Variants in RAB2A observed in about 807,000 individuals in gnomAD.
RAB2A encodes the protein RAB2A, member RAS oncogene family.
RAB2A carries 7 observed loss-of-function variants against 32.5 expected under a neutral mutation model. That is an observed-to-expected ratio of 0.22 (90% CI 0.12 to 0.40). The LOEUF (loss-of-function observed/expected upper bound fraction) is 0.40. RAB2A is among the 10% of genes least tolerant of loss of function. The pLI, the probability that RAB2A is intolerant of heterozygous loss-of-function variation, is 1.00. For synonymous variants in RAB2A, 79 were observed against 85.2 expected (o/e 0.93, Z 0.40); for missense variants, 108 against 260.7 (o/e 0.41, Z 4.03).
chr8:60,569,113 G>T (rs1418040571), intron 2 of RAB2A, among the ~76,000 whole-genome samples: 3 of 152,224 alleles, frequency 2.0e-5, no homozygotes, highest in African/African-American at 7.2e-5. Flanking sequence ...TATTTCTGAA[G>T]CTGAAATTAA....
At chr8:60,587,714 A>G (rs1186003767) in intron 5 of RAB2A, among the ~76,000 whole-genome samples, 1 of 152,236 alleles carries the variant, frequency 6.6e-6, no homozygotes, top group Non-Finnish European at 1.5e-5. Flanking sequence ...TATATACTTT[A>G]AAACAATATG....
chr8:60,591,984 C>T lies in RAB2A; in HGVS notation c.474+15C>T. 1 of 1,433,172 alleles carries T rather than the reference C, an allele frequency of 7.0e-7. No individual in the cohort carries two copies. Among genetic ancestry groups the T allele is most frequent in the African/African-American group, 1.4e-5 (1 of 70,024 alleles). The allele number at this position is 1,433,172 out of a possible 1,614,324, so 88.8% of individuals were successfully genotyped here. On this transcript the variant is annotated intron_variant, in intron 6 of 7. Transcript: ENST00000262646. ...ATGTAGAAGAGGTAAATAAGAGGCC[C>T]TTTAAAATCTTCATCTTTATACTTA...
chr8:60,585,438 A>G (rs1803832324), intron 5 of RAB2A, among the ~76,000 whole-genome samples: 1 of 152,008 alleles, frequency 6.6e-6, no homozygotes, highest in Non-Finnish European at 1.5e-5. Flanking sequence ...TCAGCCTCCA[A>G]AGTGGCTGAG....
chr8:60,549,897 T>C (rs1357270296), intron 1 of RAB2A, among the ~76,000 whole-genome samples: 2 of 152,192 alleles, frequency 1.3e-5, no homozygotes, highest in Admixed American at 6.5e-5. Flanking sequence ...AAAAAAAGTT[T>C]TGGAATTTGC....
intron 1 of RAB2A, 158 bp from the exon 2 acceptor site, chr8:60,558,694 A>G: frequency 1.5e-6 from 1 of 673,156 alleles, no homozygotes; most frequent in Non-Finnish European, 2.7e-6. Context: ...CTAAATCATC[A>G]GTCCTCTTAT....
intron 5 of RAB2A, 68 bp downstream of exon 5, chr8:60,584,883 T>C (rs1803823381): frequency 2.6e-6 from 3 of 1,143,188 alleles, no homozygotes; most frequent in East Asian, 5.4e-5. Context: ...TTGACTACTT[T>C]CCTTAACATT....
chr8:60,607,024 A>T (rs1306400718), intron 6 of RAB2A, among the ~76,000 whole-genome samples: 2 of 150,608 alleles, frequency 1.3e-5, no homozygotes, highest in African/African-American at 4.9e-5. Flanking sequence ...GGTCACTATT[A>T]TATGTTGTGG....
At chr8:60,552,684 T>C (rs1380433903) in intron 1 of RAB2A, 2 of 152,220 alleles carry the variant, frequency 1.3e-5, no homozygotes, top group Admixed American at 6.5e-5. Context: ...TCTGTACATA[T>C]AGTAAAATTA....
At chr8:60,532,516 AT>A (rs998923034) in intron 1 of RAB2A, among the ~76,000 whole-genome samples, 1 of 150,404 alleles carries the variant, frequency 6.6e-6, no homozygotes, top group Non-Finnish European at 1.5e-5. Flanking sequence ...AGCTACGTGG[AT>A]TTTTTTTTTC....
chr8:60,571,743 TG>T (rs1289599064), intron 2 of RAB2A, among the ~76,000 whole-genome samples: 2 of 152,170 alleles, frequency 1.3e-5, no homozygotes, highest in African/African-American at 2.4e-5. Flanking sequence ...TTATGGCTCT[TG>T]GATCTCTTTT....
chr8:60,581,508 A>G (rs1321978389), intron 3 of RAB2A, among the ~76,000 whole-genome samples: 1 of 152,338 alleles, frequency 6.6e-6, no homozygotes, highest in Middle Eastern at 3.4e-3. Context: ...GGACTTTTCC[A>G]TTTAATATTT....
At chr8:60,519,809 A>G (rs1319980735) in intron 1 of RAB2A, among the ~76,000 whole-genome samples, 1 of 152,206 alleles carries the variant, frequency 6.6e-6, no homozygotes, top group African/African-American at 2.4e-5. Flanking sequence ...CTGTTTGTAT[A>G]TATTAATAAC....
chr8:60,614,310 A>C (rs1230693910), intron 6 of RAB2A, among the ~76,000 whole-genome samples: 1 of 151,872 alleles, frequency 6.6e-6, no homozygotes, highest in Non-Finnish European at 1.5e-5. Context: ...GATTCTGCCA[A>C]CTAAATGATT....
chr8:60,572,831 A>G (rs1808216109), intron 3 of RAB2A, among the ~76,000 whole-genome samples: 1 of 152,242 alleles, frequency 6.6e-6, no homozygotes, highest in Non-Finnish European at 1.5e-5. Context: ...CATATTAGAA[A>G]TTAAAAATGA....
chr8:60,599,233 G>T (rs1804088261), intron 6 of RAB2A, among the ~76,000 whole-genome samples: 1 of 152,038 alleles, frequency 6.6e-6, no homozygotes. Context: ...AGCATGTGCA[G>T]GCCATGTATT....
chr8:60,623,538 A>C lies in RAB2A; in HGVS notation c.*2769A>C, dbSNP rs1443223707. The C allele has an allele frequency of 6.6e-6, 1 of 152,194 alleles. No homozygotes were observed. The highest frequency in any genetic ancestry group is 2.4e-5 in the African/African-American group (1 of 41,460). The allele number at this position is 152,194 out of a possible 1,614,324, so 9.4% of individuals were successfully genotyped here. A position where few individuals can be genotyped will look rare whatever the true frequency, so the allele number is the denominator to read the frequency against. Reference sequence around the variant, plus strand: ...CATAATAAACAGGAATTGACTATACAAATAGGTAAACCAGCATATCTACCT... The same window carrying C: ...CATAATAAACAGGAATTGACTATACCAATAGGTAAACCAGCATATCTACCT... On this transcript the variant is annotated 3_prime_UTR_variant, in exon 8 of 8. Transcript: ENST00000262646.
chr8:60,575,430 A>G (rs994363027), intron 3 of RAB2A, among the ~76,000 whole-genome samples: 3 of 152,206 alleles, frequency 2.0e-5, no homozygotes, highest in African/African-American at 4.8e-5. Context: ...CTTAGTTTAT[A>G]TCTGAGTGAA....
At chr8:60,550,390 C>T (rs906134077) in intron 1 of RAB2A, among the ~76,000 whole-genome samples, 5 of 145,142 alleles carry the variant, frequency 3.4e-5, no homozygotes, top group Non-Finnish European at 6.1e-5. Context: ...TTTTTTTTGT[C>T]TTTTTTTTTT....
intron 6 of RAB2A, among the ~76,000 whole-genome samples, chr8:60,609,739 G>A (rs1804303379): frequency 1.3e-5 from 2 of 152,040 alleles, no homozygotes; most frequent in Non-Finnish European, 2.9e-5. Context: ...GCCAAGGTGG[G>A]CAGATCACTT....
Sources: allele counts gnomAD v4.1 joint callset (sites outside exome capture counted in the v4.1 genomes callset), GRCh38; gene constraint gnomAD v4.1.1; transcripts MANE v1.5; gene names NCBI Gene and HGNC (gene_info 2026-07-23, HGNC 2026-07-21).